Variants in GRID1 observed in about 807,000 individuals in gnomAD.
GRID1 encodes the protein glutamate receptor ionotropic, delta-1.
GRID1 carries 28 observed loss-of-function variants against 98.0 expected under a neutral mutation model. The observed-to-expected ratio is 0.29, with a 90% CI of 0.21 to 0.39. GRID1 has a LOEUF of 0.39. Among genes scored for constraint, GRID1 ranks in the 10% least tolerant of loss-of-function variants. GRID1 has a pLI of 1.00. For synonymous variants in GRID1, 553 were observed against 538.5 expected, an observed-to-expected ratio of 1.03 and a Z score of -0.37; for missense variants, 1,111 against 1,340.5, an observed-to-expected ratio of 0.83 and a Z score of 2.67.
chr10:85,858,714 T>C (rs1000958973), intron 6 of GRID1, among the ~76,000 whole-genome samples: 1 of 152,220 alleles, frequency 6.6e-6, no homozygotes, highest in Admixed American at 6.5e-5. Context: ...AAGACATTCA[T>C]GGGTCTACCA....
intron 15 of GRID1, among the ~76,000 whole-genome samples, chr10:85,604,617 A>G (rs990168619): frequency 6.6e-6 from 1 of 152,178 alleles, no homozygotes; most frequent in African/African-American, 2.4e-5. Context: ...TCCCAGCTAA[A>G]TTATTCATGA....
chr10:86,305,629 C>T (rs1322538009), intron 2 of GRID1, among the ~76,000 whole-genome samples: 1 of 152,064 alleles, frequency 6.6e-6, no homozygotes, highest in African/African-American at 2.4e-5. Flanking sequence ...CGGTTTGCCC[C>T]CCACCACCAC....
At chr10:85,677,961 G>T (rs1841163880) in intron 12 of GRID1, among the ~76,000 whole-genome samples, 1 of 152,118 alleles carries the variant, frequency 6.6e-6, no homozygotes, top group Non-Finnish European at 1.5e-5. Flanking sequence ...CACCAAGAAA[G>T]CACCTGTGTC....
intron 4 of GRID1, among the ~76,000 whole-genome samples, chr10:86,071,740 C>T (rs1843807796): frequency 2.0e-5 from 3 of 152,066 alleles, no homozygotes; most frequent in African/African-American, 7.2e-5. Context: ...CCTTGAAGAG[C>T]TCATGGTCTA....
chr10:85,833,683 A>G (rs1347794935), intron 8 of GRID1, among the ~76,000 whole-genome samples: 3 of 152,232 alleles, frequency 2.0e-5, no homozygotes, highest in Non-Finnish European at 4.4e-5. Flanking sequence ...TAATTATCTG[A>G]CTATAATTTT....
intron 14 of GRID1, among the ~76,000 whole-genome samples, chr10:85,618,559 T>C (rs1350344567): frequency 6.6e-6 from 1 of 152,186 alleles, no homozygotes; most frequent in Non-Finnish European, 1.5e-5. Flanking sequence ...AATGTATACT[T>C]GATTAAATTT....
At chr10:86,362,618 C>T (rs1848614543) in intron 2 of GRID1, among the ~76,000 whole-genome samples, 1 of 152,172 alleles carries the variant, frequency 6.6e-6, no homozygotes, top group African/African-American at 2.4e-5. Context: ...GGTCCCTGCC[C>T]CCAGAGCTGG....
chr10:86,070,484 A>G (rs1843788137), intron 4 of GRID1, among the ~76,000 whole-genome samples: 1 of 152,196 alleles, frequency 6.6e-6, no homozygotes, highest in African/African-American at 2.4e-5. Flanking sequence ...GGGCACAGGC[A>G]CCAGATGCCT....
At chr10:86,288,285 C>A (rs1472140056) in intron 2 of GRID1, among the ~76,000 whole-genome samples, 1 of 152,202 alleles carries the variant, frequency 6.6e-6, no homozygotes, top group Non-Finnish European at 1.5e-5. Flanking sequence ...TCAGGCATGG[C>A]TGACCAAGAA....
intron 8 of GRID1, among the ~76,000 whole-genome samples, chr10:85,821,391 C>A (rs181183992): frequency 1.3e-4 from 19 of 151,318 alleles, no homozygotes; most frequent in African/African-American, 4.6e-4. Context: ...GTGGCAGGTG[C>A]GTGTAATCCC....
chr10:86,002,614 C>A (rs752131162), intron 4 of GRID1, among the ~76,000 whole-genome samples: 10 of 152,290 alleles, frequency 6.6e-5, no homozygotes, highest in East Asian at 3.9e-4. Flanking sequence ...CCACTTACAA[C>A]CCCCCAGACT....
chr10:85,634,218 G>A (rs1420804107), intron 13 of GRID1, among the ~76,000 whole-genome samples: 3 of 146,868 alleles, frequency 2.0e-5, no homozygotes, highest in Non-Finnish European at 4.5e-5. Flanking sequence ...TAGGGGTAGT[G>A]GGGGAATTCC....
intron 4 of GRID1, among the ~76,000 whole-genome samples, chr10:85,934,477 T>C (rs1841900599): frequency 1.4e-5 from 2 of 147,008 alleles, no homozygotes; most frequent in African/African-American, 5.0e-5. Context: ...AAATAGCTCA[T>C]CAAAATGACA....
intron 4 of GRID1, among the ~76,000 whole-genome samples, chr10:85,978,020 T>G (rs547024387): frequency 6.6e-6 from 1 of 152,230 alleles, no homozygotes; most frequent in South Asian, 2.1e-4. Context: ...AGCCTGAGAA[T>G]GTATCCAGCT....
chr10:85,840,790 A>G (rs923929512), intron 8 of GRID1, among the ~76,000 whole-genome samples: 3 of 152,208 alleles, frequency 2.0e-5, no homozygotes, highest in African/African-American at 7.2e-5. Context: ...AAGGAAGTGA[A>G]AGATCTCTAC....
At chr10:86,007,320 C>T (rs558270777) in intron 4 of GRID1, among the ~76,000 whole-genome samples, 53 of 152,286 alleles carry the variant, frequency 3.5e-4, no homozygotes, top group African/African-American at 1.1e-3. Context: ...TGACACTGAC[C>T]GCTGGAATCC....
intron 12 of GRID1, among the ~76,000 whole-genome samples, chr10:85,717,927 T>TA (rs142891065): frequency 1 from 152,264 of 152,268 alleles, 76,130 homozygotes; most frequent in Middle Eastern, 1. Context: ...AGTCAGATTT[T>TA]AAGCTCCAAA....
At chr10:85,728,115 T>C in intron 9 of GRID1, 63 bp from the exon 10 acceptor site, 2 of 1,143,502 alleles carry the variant, frequency 1.7e-6, no homozygotes, top group Non-Finnish European at 2.7e-6. Context: ...ATATTTCCAG[T>C]GTAATGTTAG....
At chr10:86,146,045 T>C (rs920049026) in intron 3 of GRID1, among the ~76,000 whole-genome samples, 3 of 152,230 alleles carry the variant, frequency 2.0e-5, no homozygotes, top group Non-Finnish European at 2.9e-5. Flanking sequence ...TTTTTAATAC[T>C]TTCTTTCTGA....
Sources: allele counts gnomAD v4.1 joint callset (sites outside exome capture counted in the v4.1 genomes callset), GRCh38; gene constraint gnomAD v4.1.1; transcripts MANE v1.5; gene names NCBI Gene and HGNC (gene_info 2026-07-23, HGNC 2026-07-21).